The following SPIRE1 variants were observed in gnomAD, a reference collection of about 807,000 sequenced individuals.
SPIRE1 encodes the protein protein spire homolog 1.
In SPIRE1, 40 loss-of-function variants were observed where a neutral mutation model predicts 94.1. That is an observed-to-expected ratio of 0.43 (90% CI 0.33 to 0.55). The LOEUF (loss-of-function observed/expected upper bound fraction) is 0.55. Ranked by LOEUF, SPIRE1 falls within the 20% of genes least tolerant of loss-of-function variation. SPIRE1 has a pLI of 0.06. For synonymous variants in SPIRE1, 376 were observed against 371.7 expected, an observed-to-expected ratio of 1.01 and a Z score of -0.13; for missense variants, 838 against 975.2, an observed-to-expected ratio of 0.86 and a Z score of 1.87.
chr18:12,462,846 T>C (rs1035919345), intron 12 of SPIRE1, among the ~76,000 whole-genome samples: 19 of 151,712 alleles, frequency 1.3e-4, no homozygotes, highest in Admixed American at 1.0e-3. Flanking sequence ...ATAAATTTTC[T>C]TGAAAAAAAA....
At position 12,629,310 on chromosome 18, in the gene SPIRE1, T is replaced by C. The variant is rs528708505; in HGVS notation, c.372+5752A>G. On this transcript the variant is annotated intron_variant, in intron 2 of 16. Transcript: ENST00000409402. ...CATGGAAATTCAAATCAGTTCTGTT[T>C]TAGCATTTTCAAATATTTAGCAATT... 2.0e-5 allele frequency among the ~76,000 whole-genome samples: 3 copies of C among 152,346 alleles called. No individual in the cohort carries two copies. The East Asian group carries it at 5.8e-4, about 29-fold the overall frequency.
intron 2 of SPIRE1, among the ~76,000 whole-genome samples, chr18:12,581,879 TGA>T (rs36024571): frequency 0.073 from 11,175 of 152,042 alleles, 571 homozygotes; most frequent in Non-Finnish European, 0.11. Flanking sequence ...AAAATCATTA[TGA>T]GAGACTGTTG....
intron 2 of SPIRE1, among the ~76,000 whole-genome samples, chr18:12,557,648 C>T (rs1247098389): frequency 6.6e-6 from 1 of 152,038 alleles, no homozygotes; most frequent in Non-Finnish European, 1.5e-5. Context: ...GATGCTGAGG[C>T]CTGAGGAGGC....
At chr18:12,552,541 G>A (rs542928283) in intron 2 of SPIRE1, among the ~76,000 whole-genome samples, 3 of 152,132 alleles carry the variant, frequency 2.0e-5, no homozygotes, top group African/African-American at 7.2e-5. Context: ...AAAACTAAAA[G>A]GCAGAAATGA....
At chr18:12,469,305 C>T (rs1274777474) in intron 10 of SPIRE1, among the ~76,000 whole-genome samples, 6 of 151,572 alleles carry the variant, frequency 4.0e-5, no homozygotes, top group Non-Finnish European at 7.4e-5. Context: ...TGGGTTCAAG[C>T]GATTCTCCTG....
At chr18:12,615,993 C>T (rs2037297763) in intron 2 of SPIRE1, among the ~76,000 whole-genome samples, 1 of 152,182 alleles carries the variant, frequency 6.6e-6, no homozygotes, top group African/African-American at 2.4e-5. Flanking sequence ...TGTGTCCCCT[C>T]TAGAACAAAC....
At chr18:12,459,787 TC>T in intron 12 of SPIRE1, 1 of 985,884 alleles carries the variant, frequency 1.0e-6, no homozygotes, top group Non-Finnish European at 1.2e-6. Context: ...GTAAAAGCTC[TC>T]TCACACAGAT....
At chr18:12,474,946 C>T (rs2143709798) in intron 10 of SPIRE1, among the ~76,000 whole-genome samples, 1 of 152,274 alleles carries the variant, frequency 6.6e-6, no homozygotes, top group South Asian at 2.1e-4. Flanking sequence ...CTTTTTGAGA[C>T]TGCCCTTTAT....
chr18:12,491,514 T>C (rs1165608151), intron 8 of SPIRE1, among the ~76,000 whole-genome samples: 2 of 152,136 alleles, frequency 1.3e-5, no homozygotes, highest in Admixed American at 6.5e-5. Context: ...TTTCTTTCTT[T>C]CTTTCCATGG....
rs933591131 is a variant in SPIRE1, at chr18:12,446,962, A to G, written c.*2676T>C. ...TTAAATCAACGTACGTCAATCATTC[A>G]TTTTCACTTGCCTTGGGAGAGTTAA... On this transcript the variant is annotated 3_prime_UTR_variant, in exon 17 of 17. Transcript: ENST00000409402. The G allele has an allele frequency of 1.3e-5, 2 of 152,206 alleles. No homozygotes were observed. The highest frequency in any genetic ancestry group is 2.9e-5 in the Non-Finnish European group (2 of 68,034). The allele number at this position is 152,206 out of a possible 1,614,324, so 9.4% of individuals were successfully genotyped here.
chr18:12,657,765 C>A lies in SPIRE1; in HGVS notation c.102G>T (p.Gly34=). Residue 34 remains glycine (G), a synonymous_variant, in exon 1 of 17, where the codon GGG becomes GGT. Transcript: ENST00000409402. ...CCAGGCTCAGCGCGTCCCGGGAGCC[C>A]CCGGCCGCGCCGCCGGCTGCCCCGG... ...REPGAAGGAA[G]GSRDALSLEE... 7.5e-7 allele frequency: 1 copy of A among 1,336,998 alleles called. No individual in the cohort carries two copies. Among genetic ancestry groups the A allele is most frequent in the Non-Finnish European group, 9.6e-7 (1 of 1,036,910 alleles). 82.8% of individuals were successfully genotyped at this position (1,336,998 alleles called of 1,614,324 possible). A position where few individuals can be genotyped will look rare whatever the true frequency, so the allele number is the denominator to read the frequency against.
chr18:12,614,897 A>T (rs1428191069), intron 2 of SPIRE1, among the ~76,000 whole-genome samples: 2 of 150,656 alleles, frequency 1.3e-5, no homozygotes, highest in Non-Finnish European at 3.0e-5. Context: ...CATAAAATCC[A>T]AAATTTTATG....
chr18:12,618,243 A>G (rs1027877003), intron 2 of SPIRE1, among the ~76,000 whole-genome samples: 2 of 152,114 alleles, frequency 1.3e-5, no homozygotes, highest in South Asian at 2.1e-4. Flanking sequence ...CTGGGACTAC[A>G]GGCACCTGCC....
At chr18:12,546,611 A>G (rs560553380) in intron 3 of SPIRE1, 63 bp downstream of exon 3, 84 of 1,211,890 alleles carry the variant, frequency 6.9e-5, no homozygotes, top group Middle Eastern at 2.7e-4. Flanking sequence ...CAGGGGGGGA[A>G]AAAAAAGAAG....
chr18:12,655,236 AAG>A (rs962112112), intron 1 of SPIRE1, among the ~76,000 whole-genome samples: 1 of 151,318 alleles, frequency 6.6e-6, no homozygotes, highest in African/African-American at 2.4e-5. Context: ...AAAAAAAAAA[AAG>A]AAGAAAAGAA....
At position 12,465,989 on chromosome 18, in the gene SPIRE1, CAGG is replaced by C. The variant is rs567316628; in HGVS notation, c.1405-1034_1405-1032del. On this transcript the variant is annotated intron_variant, in intron 10 of 16. Coordinates refer to ENST00000409402, the MANE Select transcript of SPIRE1 (RefSeq NM_001128626.2). ...GTCCCAGCTACTTGGGAGGCAGAGG[CAGG>C]AGAATTGCTTGACCCGGGGAGGCAG... Among the ~76,000 whole-genome samples the C allele has an allele frequency of 9.2e-5, 14 of 151,550 alleles. No individual in the cohort carries two copies. The South Asian group carries it at 2.9e-3, about 32-fold the overall frequency.
intron 4 of SPIRE1, among the ~76,000 whole-genome samples, chr18:12,515,585 T>A (rs2034172509): frequency 6.6e-6 from 1 of 152,188 alleles, no homozygotes; most frequent in Non-Finnish European, 1.5e-5. Context: ...ATTAATGTAA[T>A]GAAAGCTGTG....
chr18:12,645,839 C>T lies in SPIRE1; in HGVS notation c.338-10743G>A, dbSNP rs572738232. Among the ~76,000 whole-genome samples, 5 of 152,250 alleles carry T rather than the reference C, an allele frequency of 3.3e-5. No homozygotes were observed. In the South Asian group the frequency reaches 8.3e-4, roughly 25 times the overall value. ...ACCATGTGGCTGGCACAAAGTCCTT[C>T]ATCATCTGATCCCAGCCAACGTGCC... is the stretch of plus-strand genomic sequence containing the variant. On this transcript the variant is annotated intron_variant, in intron 1 of 16. Coordinates refer to ENST00000409402, the MANE Select transcript of SPIRE1 (RefSeq NM_001128626.2).
intron 12 of SPIRE1, among the ~76,000 whole-genome samples, chr18:12,459,534 C>T (rs2031683955): frequency 6.6e-6 from 1 of 152,258 alleles, no homozygotes; most frequent in Admixed American, 6.5e-5. Context: ...CCCACAGGTC[C>T]CCTTCATCAG....
Sources: allele counts gnomAD v4.1 joint callset (sites outside exome capture counted in the v4.1 genomes callset), GRCh38; gene constraint gnomAD v4.1.1; transcripts MANE v1.5; gene names NCBI Gene and HGNC (gene_info 2026-07-23, HGNC 2026-07-21).